PCDH15: variants seen among roughly 807,000 people sequenced by gnomAD.
PCDH15 encodes the protein protocadherin related 15.
Under a neutral mutation model 178.5 loss-of-function variants are expected in PCDH15, and 129 were observed. That is an observed-to-expected ratio of 0.72 (90% CI 0.63 to 0.84). PCDH15 has a LOEUF of 0.84. Ranked by LOEUF, PCDH15 falls within the 40% of genes least tolerant of loss-of-function variation. The pLI, the probability that PCDH15 is intolerant of heterozygous loss-of-function variation, is 0.00. For synonymous variants in PCDH15, 800 were observed against 732.0 expected (o/e 1.09, Z -1.50); for missense variants, 2,230 against 2,099.9 (o/e 1.06, Z -1.21).
chr10:55,337,753 G>A (rs1394140279), intron 2 of PCDH15, among the ~76,000 whole-genome samples: 1 of 152,170 alleles, frequency 6.6e-6, no homozygotes, highest in Non-Finnish European at 1.5e-5. Flanking sequence ...TAGTAAAGAT[G>A]TAGAAGGTGC....
rs1443538784 is a variant in PCDH15 at position 54,757,448 on chromosome 10, A to G, written c.-29+43477T>C. Among the ~76,000 whole-genome samples, 7 of 87,860 alleles carry G rather than the reference A, an allele frequency of 8.0e-5. 2 individuals are homozygous for G. The highest frequency in any genetic ancestry group is 3.3e-4 in the South Asian group (1 of 3,040). The allele number at this position is 87,860 out of a possible 152,430, so 57.6% of individuals were successfully genotyped here. On this transcript the variant is annotated intron_variant, in intron 1 of 37. Coordinates refer to ENST00000644397, the MANE Select transcript of PCDH15 (RefSeq NM_001384140.1). ...CAGGCGCGCGCCACCATGCCCGGCT[A>G]ATTTTTGTATTTTTAGTAGAGACGG...
intron 2 of PCDH15, among the ~76,000 whole-genome samples, chr10:55,612,501 C>A (rs563602345): frequency 6.6e-6 from 1 of 152,014 alleles, no homozygotes; most frequent in East Asian, 1.9e-4. Context: ...TGTGTAAGAT[C>A]TTATTAGAGG....
intron 6 of PCDH15, among the ~76,000 whole-genome samples, chr10:54,333,317 C>T (rs117183173): frequency 0.018 from 2,721 of 152,034 alleles, 30 homozygotes; most frequent in Non-Finnish European, 0.027. Context: ...ATCAATGGTG[C>T]TTCTGAAATG....
intron 25 of PCDH15, among the ~76,000 whole-genome samples, chr10:53,932,218 T>G (rs894224842): frequency 6.6e-6 from 1 of 152,214 alleles, no homozygotes; most frequent in Admixed American, 6.5e-5. Flanking sequence ...TTTTTGCCTT[T>G]TGCAGTATCA....
intron 1 of PCDH15, among the ~76,000 whole-genome samples, chr10:55,312,171 C>G (rs545215853): frequency 6.6e-6 from 1 of 152,136 alleles, no homozygotes; most frequent in Non-Finnish European, 1.5e-5. Flanking sequence ...AGTATAAAAA[C>G]CCATTCGTGT....
chr10:54,027,814 G>T (rs576979714), intron 18 of PCDH15, among the ~76,000 whole-genome samples: 2 of 138,586 alleles, frequency 1.4e-5, no homozygotes, highest in African/African-American at 5.6e-5. Context: ...AGACTTAAAC[G>T]TTAGACCTAA....
chr10:54,960,697 T>A (rs1207301476), intron 2 of PCDH15, among the ~76,000 whole-genome samples: 1 of 152,204 alleles, frequency 6.6e-6, no homozygotes, highest in East Asian at 1.9e-4. Flanking sequence ...AATAATAATA[T>A]GGTTGAAATT....
At chr10:55,287,586 G>T (rs1260651248) in intron 1 of PCDH15, among the ~76,000 whole-genome samples, 1 of 151,974 alleles carries the variant, frequency 6.6e-6, no homozygotes, top group Non-Finnish European at 1.5e-5. Flanking sequence ...GTGACAGTAA[G>T]CTTTGAGCAC....
chr10:54,943,094 A>G (rs949699437), intron 2 of PCDH15, among the ~76,000 whole-genome samples: 1 of 152,016 alleles, frequency 6.6e-6, no homozygotes, highest in Non-Finnish European at 1.5e-5. Flanking sequence ...GTTTTAAAAC[A>G]TCATTTATTT....
chr10:55,249,621 T>G (rs1427143886), intron 1 of PCDH15, among the ~76,000 whole-genome samples: 1 of 152,158 alleles, frequency 6.6e-6, no homozygotes, highest in Non-Finnish European at 1.5e-5. Flanking sequence ...TTAGTATAAA[T>G]TGCAATCTTC....
upstream of PCDH15, among the ~76,000 whole-genome samples, chr10:54,806,051 G>A (rs1471849536): frequency 6.6e-6 from 1 of 152,046 alleles, no homozygotes; most frequent in Admixed American, 6.6e-5. Flanking sequence ...TAAAACTAAA[G>A]AGAAGTGCAG....
chr10:54,283,299 G>A (rs1336809686), intron 8 of PCDH15, among the ~76,000 whole-genome samples: 2 of 151,952 alleles, frequency 1.3e-5, no homozygotes, highest in Non-Finnish European at 2.9e-5. Flanking sequence ...TCCCATACAC[G>A]CTCCTGTTAC....
intron 3 of PCDH15, among the ~76,000 whole-genome samples, chr10:54,895,990 G>GATCTTCCTGCCTC (rs1954538253): frequency 1.3e-5 from 2 of 151,972 alleles, no homozygotes; most frequent in South Asian, 4.2e-4. Context: ...GGGTTCAAGC[G>GATCTTCCTGCCTC]ATCCTCCTGC....
intron 2 of PCDH15, among the ~76,000 whole-genome samples, chr10:55,501,835 G>C (rs1286822588): frequency 5.9e-5 from 9 of 151,596 alleles, no homozygotes; most frequent in African/African-American, 1.7e-4. Context: ...TCAATCTCTT[G>C]TTTATCAATT....
chr10:54,661,160 A>G (rs2094485116), intron 2 of PCDH15, among the ~76,000 whole-genome samples: 1 of 152,058 alleles, frequency 6.6e-6, no homozygotes, highest in Non-Finnish European at 1.5e-5. Context: ...TATTTCCTCC[A>G]AAAGATTCTT....
chr10:54,531,083 G>A (rs1167683641), intron 2 of PCDH15, among the ~76,000 whole-genome samples: 2 of 152,140 alleles, frequency 1.3e-5, no homozygotes, highest in African/African-American at 2.4e-5. Flanking sequence ...TTTGGGGGAT[G>A]GGGAGATTGT....
intron 1 of PCDH15, among the ~76,000 whole-genome samples, chr10:55,169,148 C>G (rs1839268936): frequency 6.6e-6 from 1 of 152,042 alleles, no homozygotes; most frequent in Non-Finnish European, 1.5e-5. Context: ...TCAATATTAG[C>G]TAGAATAAAT....
intron 21 of PCDH15, among the ~76,000 whole-genome samples, chr10:53,967,191 T>C (rs1170997508): frequency 6.6e-6 from 1 of 152,184 alleles, no homozygotes; most frequent in Admixed American, 6.5e-5. Context: ...GATGGTTTTA[T>C]AAAGGGCTTT....
At chr10:53,877,615 C>T (rs2080340659) in intron 26 of PCDH15, among the ~76,000 whole-genome samples, 1 of 152,170 alleles carries the variant, frequency 6.6e-6, no homozygotes, top group African/African-American at 2.4e-5. Context: ...AAACCAAATT[C>T]AGCTGCTGCT....
Sources: allele counts gnomAD v4.1 joint callset (sites outside exome capture counted in the v4.1 genomes callset), GRCh38; gene constraint gnomAD v4.1.1; transcripts MANE v1.5; gene names NCBI Gene and HGNC (gene_info 2026-07-23, HGNC 2026-07-21).